The following DOCK6 variants were observed in gnomAD, a reference collection of about 807,000 sequenced individuals.
DOCK6 encodes dedicator of cytokinesis protein 6.
DOCK6 carries 167 observed loss-of-function variants against 230.3 expected under a neutral mutation model. The ratio of observed to expected loss-of-function variants is 0.73; its 90% confidence interval spans 0.64 to 0.82. The LOEUF (loss-of-function observed/expected upper bound fraction) is 0.82, where lower values mean the gene tolerates loss of function less well. Among genes scored for constraint, DOCK6 ranks in the 40% least tolerant of loss-of-function variants. The pLI, the probability that DOCK6 is intolerant of heterozygous loss-of-function variation, is 0.00. For missense variants in DOCK6, 2,598 were observed against 2,825.8 expected, an observed-to-expected ratio of 0.92 and a Z score of 1.83; for synonymous variants, 1,148 against 1,185.0, an observed-to-expected ratio of 0.97 and a Z score of 0.64.
At chr19:11,219,174 G>GTTT (rs778505119) in intron 28 of DOCK6, among the ~76,000 whole-genome samples, 7 of 77,274 alleles carry the variant, frequency 9.1e-5, no homozygotes, top group Admixed American at 1.4e-4. Context: ...ACTGCGCCCG[G>GTTT]TTTTTTTTTT....
intron 14 of DOCK6, among the ~76,000 whole-genome samples, chr19:11,241,226 CAGAG>C (rs952360225): frequency 4.1e-5 from 6 of 146,644 alleles, no homozygotes. Flanking sequence ...GCCTGGGTGA[CAGAG>C]AGAGACTCAA....
chr19:11,236,663 GGTCCAGCTGACCAAAGTCAC>G lies in DOCK6; in HGVS notation c.2161-106_2161-87del. The G allele has an allele frequency of 6.6e-7, 1 of 1,505,634 alleles. No homozygotes were observed. Among genetic ancestry groups the G allele is most frequent in the Middle Eastern group, 1.7e-4 (1 of 5,764 alleles). The allele number at this position is 1,505,634 out of a possible 1,614,324, so 93.3% of individuals were successfully genotyped here. A position where few individuals can be genotyped will look rare whatever the true frequency, so the allele number is the denominator to read the frequency against. ...GAATCAGCAGCTTCCCTTAAAGCTGGGTCCAGCTGACCAAAGTCACGTCCAAGGCCTGAGGCCAGACCTCC... is the reference window on the plus strand; with the variant it reads ...GAATCAGCAGCTTCCCTTAAAGCTGGGTCCAAGGCCTGAGGCCAGACCTCC... On this transcript the variant is annotated intron_variant, in intron 19 of 47. Transcript: ENST00000294618. This position sits in a 1 kb window ranked among gnomAD's most constrained non-coding sequence, Gnocchi z 5.2.
chr19:11,201,143 T>C lies in DOCK6; in HGVS notation c.5689-91A>G, dbSNP rs2079162997. On this transcript the variant is annotated intron_variant, in intron 44 of 47. Coordinates refer to ENST00000294618, the MANE Select transcript of DOCK6 (RefSeq NM_020812.4). This position sits in a 1 kb window ranked among gnomAD's most constrained non-coding sequence, Gnocchi z 4.3. ...GGGGCAGCTCAGACCCCGCTGGGAG[T>C]GAGAGGGGTCCAAGAACCCAGGCAA... 6.7e-7 allele frequency: 1 copy of C among 1,485,038 alleles called. No individual in the cohort carries two copies. The highest frequency in any genetic ancestry group is 1.4e-5 in the African/African-American group (1 of 71,920). The allele number at this position is 1,485,038 out of a possible 1,614,324, so 92.0% of individuals were successfully genotyped here.
At position 11,201,142 on chromosome 19, in the gene DOCK6, G is replaced by C; in HGVS notation, c.5689-90C>G. On this transcript the variant is annotated intron_variant, in intron 44 of 47. Transcript: ENST00000294618. This position sits in a 1 kb window ranked among gnomAD's most constrained non-coding sequence, Gnocchi z 4.3. Reference sequence around the variant, plus strand: ...GGGGGCAGCTCAGACCCCGCTGGGAGTGAGAGGGGTCCAAGAACCCAGGCA... The same window carrying C: ...GGGGGCAGCTCAGACCCCGCTGGGACTGAGAGGGGTCCAAGAACCCAGGCA... The C allele has an allele frequency of 1.3e-6, 2 of 1,485,358 alleles. No individual in the cohort carries two copies. Among genetic ancestry groups the C allele is most frequent in the Non-Finnish European group, 1.8e-6 (2 of 1,094,222 alleles). 92.0% of individuals were successfully genotyped at this position (1,485,358 alleles called of 1,614,324 possible). A position where few individuals can be genotyped will look rare whatever the true frequency, so the allele number is the denominator to read the frequency against.
rs1441187471 is a variant in DOCK6, at chr19:11,200,348, G to T, written c.6061C>A (p.Arg2021Ser). The stretch of plus-strand genomic sequence containing the variant: ...GTGGGTGCCATCAGCTGGGGCAGGC[G>T]CTGGGTAAGCAGGGGCTGCAGAGCC... ...REALQPLLTQ[R>S]LPQLMAPTPP... The change falls in exon 47 of 48, where the codon CGC becomes AGC. Residue 2021 changes from arginine to serine, a missense_variant. Transcript: ENST00000294618. This position sits in a 1 kb window ranked among gnomAD's most constrained non-coding sequence, Gnocchi z 4.3. The T allele has an allele frequency of 6.3e-7, 1 of 1,579,232 alleles. No homozygotes were observed. The highest frequency in any genetic ancestry group is 8.6e-7 in the Non-Finnish European group (1 of 1,162,722).
Position 11,243,423 on chromosome 19 carries a change from G to A in DOCK6, c.1259-38C>T, listed in dbSNP as rs561474425. The stretch of plus-strand genomic sequence containing the variant: ...ATGACAATGACAAAAGGGGGACCAA[G>A]ATGAAACAGGGAGACTCAGGGGCGG... On this transcript the variant is annotated intron_variant, in intron 11 of 47. Coordinates refer to ENST00000294618, the MANE Select transcript of DOCK6 (RefSeq NM_020812.4). The surrounding 1 kb of genome is among the most constrained non-coding windows in gnomAD (Gnocchi z 6.3). 1.2e-5 allele frequency: 19 copies of A among 1,589,918 alleles called. No individual in the cohort carries two copies. In the African/African-American group the frequency reaches 1.7e-4, roughly 15 times the overall value.
At position 11,262,117 on chromosome 19, in the gene DOCK6, G is replaced by C. The variant is rs11878624; in HGVS notation, c.44+280C>G. Among the ~76,000 whole-genome samples the C allele has an allele frequency of 0.85, 129,747 of 151,804 alleles. 55,588 individuals carry two copies. Among genetic ancestry groups the C allele is most frequent in the East Asian group, 0.92 (4,643 of 5,042 alleles). Reference sequence around the variant, plus strand: ...CCGCATCCCCACGCCACCTCCTCCGGGAAGCCCTCCGGACACACCCCCGCG... The same window carrying C: ...CCGCATCCCCACGCCACCTCCTCCGCGAAGCCCTCCGGACACACCCCCGCG... On this transcript the variant is annotated intron_variant, in intron 1 of 47. Coordinates refer to ENST00000294618, the MANE Select transcript of DOCK6 (RefSeq NM_020812.4).
intron 28 of DOCK6, among the ~76,000 whole-genome samples, chr19:11,218,142 G>A (rs1247308964): frequency 6.6e-6 from 1 of 151,766 alleles, no homozygotes; most frequent in African/African-American, 2.4e-5. Flanking sequence ...GAGCCATGGC[G>A]CCTGGCCTAT....
At chr19:11,235,498 A>T in intron 21 of DOCK6, 100 bp downstream of exon 21, 1 of 1,212,088 alleles carries the variant, frequency 8.3e-7, no homozygotes, top group Non-Finnish European at 1.1e-6. Flanking sequence ...TGATCCATCC[A>T]GCTCGGCCTC....
chr19:11,235,475 T>C (rs1027793913), intron 21 of DOCK6, 123 bp downstream of exon 21: 2 of 991,980 alleles, frequency 2.0e-6, no homozygotes, highest in African/African-American at 3.3e-5. Flanking sequence ...GATCTCGAAC[T>C]CCTGACCTCA....
At position 11,243,707 on chromosome 19, in the gene DOCK6, T is replaced by G. The variant is rs2079987551; in HGVS notation, c.1108A>C (p.Lys370Gln). Residue 370 changes from lysine (K) to glutamine (Q), a missense_variant, in exon 11 of 48, where the codon AAA becomes CAA. Transcript: ENST00000294618. This position sits in a 1 kb window ranked among gnomAD's most constrained non-coding sequence, Gnocchi z 6.3. ...AGGCGCAGCTTCTCTAGCTTCTCTTTGTTCTGTGGGGAGACCCCGTCCCCT... is the reference window on the plus strand; with the variant it reads ...AGGCGCAGCTTCTCTAGCTTCTCTTGGTTCTGTGGGGAGACCCCGTCCCCT... ...VLKEVDTAKN[K>Q]EKLEKLRLAA... The G allele has an allele frequency of 6.2e-7, 1 of 1,613,770 alleles. No individual in the cohort carries two copies. Among genetic ancestry groups the G allele is most frequent in the South Asian group, 1.1e-5 (1 of 91,058 alleles).
In DOCK6 at chr19:11,243,337, C is replaced by T. The variant is rs755182132; in HGVS notation, c.1307G>A (p.Arg436Gln). The part of the protein sequence containing the change: ...TDRRRRGPQD[R>Q]ASSGDDACSF... ...GCAGGCGTCGTCCCCACTACTCGCC[C>T]GGTCCTGGGGCCCCCGACGGCGGCG... is the stretch of plus-strand genomic sequence containing the variant. Residue 436 changes from arginine (R) to glutamine (Q), a missense_variant, in exon 12 of 48, where the codon CGG (arginine) becomes CAG (glutamine). Transcript: ENST00000294618. The surrounding 1 kb of genome is among the most constrained non-coding windows in gnomAD (Gnocchi z 6.3). The T allele has an allele frequency of 7.5e-6, 12 of 1,599,254 alleles. No individual in the cohort carries two copies. The highest frequency in any genetic ancestry group is 1.0e-5 in the Non-Finnish European group (12 of 1,173,678).
intron 35 of DOCK6, among the ~76,000 whole-genome samples, chr19:11,212,672 C>T (rs1421429473): frequency 6.7e-6 from 1 of 150,222 alleles, no homozygotes; most frequent in African/African-American, 2.5e-5. Flanking sequence ...AAGCGATTCT[C>T]GTGTCTCAGC....
chr19:11,199,663 G>T, intron 47 of DOCK6, 124 bp from the exon 48 acceptor site: 1 of 1,037,224 alleles, frequency 9.6e-7, no homozygotes, highest in Non-Finnish European at 1.5e-6. Flanking sequence ...GATCTCTCCT[G>T]TCCCTGATCT....
chr19:11,233,211 C>T lies in DOCK6; in HGVS notation c.2710G>A (p.Ala904Thr). 1.2e-6 allele frequency: 2 copies of T among 1,613,218 alleles called. No homozygotes were observed. Among genetic ancestry groups the T allele is most frequent in the Non-Finnish European group, 8.5e-7 (1 of 1,179,720 alleles). ...GGCCCCCGTTGCCCTACCTTGCTGG[C>T]CAGGATGCGGGAAACCTCGTCATCC... ...SVDDEVSRIL[A>T]SKLLHEELAL... Residue 904 changes from alanine to threonine, a missense_variant, in exon 22 of 48, where the codon GCC becomes ACC. Transcript: ENST00000294618.
At chr19:11,215,203 A>G (rs945702512) in intron 32 of DOCK6, among the ~76,000 whole-genome samples, 184 bp downstream of exon 32, 2 of 151,988 alleles carry the variant, frequency 1.3e-5, no homozygotes, top group Non-Finnish European at 2.9e-5. Context: ...TCGGCCTCCC[A>G]AAGTGCTGGG....
intron 20 of DOCK6, 63 bp from the exon 21 acceptor site, chr19:11,235,822 C>T: frequency 6.6e-7 from 1 of 1,515,424 alleles, no homozygotes; most frequent in East Asian, 2.5e-5. Context: ...CGCCCACTTT[C>T]CAAATATAAA....
chr19:11,262,121 G>A (rs999614557), intron 1 of DOCK6, among the ~76,000 whole-genome samples: 1 of 151,990 alleles, frequency 6.6e-6, no homozygotes, highest in African/African-American at 2.4e-5. Context: ...CCTCCGGGAA[G>A]CCCTCCGGAC....
chr19:11,242,653 A>C (rs1390841672), intron 13 of DOCK6, among the ~76,000 whole-genome samples: 1 of 151,628 alleles, frequency 6.6e-6, no homozygotes, highest in East Asian at 1.9e-4. Flanking sequence ...CGGCCTCCCA[A>C]AGTGCTGGCA....
Sources: allele counts gnomAD v4.1 joint callset (sites outside exome capture counted in the v4.1 genomes callset), GRCh38; gene constraint gnomAD v4.1.1; non-coding constraint Gnocchi (gnomAD v3.1); transcripts MANE v1.5; gene names NCBI Gene and HGNC (gene_info 2026-07-23, HGNC 2026-07-21).